Variants in ALS2CL observed in about 807,000 individuals in gnomAD.
ALS2CL encodes ALS2 C-terminal like.
ALS2CL carries 112 observed loss-of-function variants against 127.9 expected under a neutral mutation model. That is an observed-to-expected ratio of 0.88 (90% CI 0.75 to 1.02). ALS2CL has a LOEUF of 1.02. Among genes scored for constraint, ALS2CL ranks in the 50% least tolerant of loss-of-function variants. ALS2CL has a pLI of 0.00. For synonymous variants in ALS2CL, 519 were observed against 527.6 expected (o/e 0.98, Z 0.22); for missense variants, 1,174 against 1,236.7 (o/e 0.95, Z 0.76).
Position 46,681,112 on chromosome 3 carries a change from G to A in ALS2CL, c.1436+134C>T, listed in dbSNP as rs764361113. 2.9e-6 allele frequency: 4 copies of A among 1,400,080 alleles called. No homozygotes were observed. The highest frequency in any genetic ancestry group is 4.0e-6 in the Non-Finnish European group (4 of 995,672). 86.7% of individuals were successfully genotyped at this position (1,400,080 alleles called of 1,614,324 possible). ...AGCCTGAGCCTCCGCAGCAACCGAG[G>A]GACTGGAGGGGAAGTGAGGGGCTTA... On this transcript the variant is annotated intron_variant, in intron 13 of 25. Transcript: ENST00000318962. This position sits in a 1 kb window ranked among gnomAD's most constrained non-coding sequence, Gnocchi z 4.9.
At chr3:46,673,488 C>T in intron 21 of ALS2CL, 107 bp from the exon 22 acceptor site, 1 of 1,188,862 alleles carries the variant, frequency 8.4e-7, no homozygotes, top group Non-Finnish European at 1.2e-6. Flanking sequence ...GATCTGGGTC[C>T]TGAAAAGGGG....
At chr3:46,676,460 T>C in intron 18 of ALS2CL, 58 bp from the exon 19 acceptor site, 1 of 1,605,080 alleles carries the variant, frequency 6.2e-7, no homozygotes, top group South Asian at 1.1e-5. Flanking sequence ...GAGCACAGCA[T>C]GCCCACACCA....
intron 19 of ALS2CL, chr3:46,675,994 T>C (rs745584681): frequency 2.1e-6 from 3 of 1,420,422 alleles, no homozygotes; most frequent in Non-Finnish European, 2.7e-6. Flanking sequence ...GGGGTGAGAG[T>C]GCACCTGCGG....
rs756829765 is a variant in ALS2CL, at chr3:46,676,720, A to G, written c.1950T>C (p.Ser650=). Residue 650 remains serine, a synonymous_variant, in exon 18 of 26, where the codon AGT becomes AGC. Coordinates refer to ENST00000318962, the MANE Select transcript of ALS2CL (RefSeq NM_147129.5). ...LSCERTHPED[S]VGSMEDILEE... ...CCAGGATGTCTTCCATACTGCCCAC[A>G]CTGTCCTCAGGGTGGGTCCTGGGCA... The G allele has an allele frequency of 5.0e-6, 8 of 1,613,372 alleles. No homozygotes were observed. The East Asian group carries it at 1.8e-4, about 36-fold the overall frequency.
intron 1 of ALS2CL, among the ~76,000 whole-genome samples, chr3:46,692,443 T>TTA (rs2106758103): frequency 6.6e-6 from 1 of 152,004 alleles, no homozygotes; most frequent in East Asian, 1.9e-4. Flanking sequence ...CAAAGGTTCC[T>TTA]TAGTGACAGG....
At chr3:46,676,477 C>A (rs1698831935) in intron 18 of ALS2CL, 75 bp from the exon 19 acceptor site, 2 of 1,591,162 alleles carry the variant, frequency 1.3e-6, no homozygotes, top group African/African-American at 2.7e-5. Context: ...ACCAGCCTCC[C>A]AACACTTCTC....
At chr3:46,683,431 C>A in intron 9 of ALS2CL, 105 bp from the exon 10 acceptor site, 1 of 1,158,834 alleles carries the variant, frequency 8.6e-7, no homozygotes, top group Non-Finnish European at 1.2e-6. Context: ...CACCCTCCAC[C>A]TCCTACTCCA....
In ALS2CL at chr3:46,689,353, G is replaced by T. The variant is rs1239835153; in HGVS notation, c.88C>A (p.Pro30Thr). 1.2e-6 allele frequency: 2 copies of T among 1,612,940 alleles called. No homozygotes were observed. The change falls in exon 2 of 26, where the codon CCC (proline) becomes ACC (threonine). Residue 30 changes from proline (P) to threonine (T), a missense_variant. By Grantham distance (38) the Pro-to-Thr change is conservative. Transcript: ENST00000318962. The part of the protein sequence containing the change: ...LAHVNSLVLQ[P>T]LLPAAPDPSD... The stretch of plus-strand genomic sequence containing the variant: ...CTAGACTCACCGGCTGGGAGCAGGG[G>T]CTGGAGGACAAGGCTGTTGACATGG...
At chr3:46,677,240 G>A (rs1698929639) in intron 16 of ALS2CL, 2 of 1,396,144 alleles carry the variant, frequency 1.4e-6, no homozygotes, top group African/African-American at 1.4e-5. Flanking sequence ...CCTGCGACGA[G>A]AAGACAGACA....
At chr3:46,678,212 A>C in intron 16 of ALS2CL, 47 bp downstream of exon 16, 1 of 1,500,194 alleles carries the variant, frequency 6.7e-7, no homozygotes. Flanking sequence ...ATGGAAACAC[A>C]GACACATCCC....
intron 1 of ALS2CL, among the ~76,000 whole-genome samples, chr3:46,693,206 C>G (rs1267723071): frequency 4.6e-5 from 7 of 152,268 alleles, no homozygotes; most frequent in African/African-American, 1.7e-4. Flanking sequence ...CTCTCCCTGC[C>G]CAGGCACACA....
intron 19 of ALS2CL, 167 bp downstream of exon 19, chr3:46,676,077 TC>T: frequency 7.4e-7 from 1 of 1,359,792 alleles, no homozygotes; most frequent in Non-Finnish European, 9.7e-7. Context: ...TGCTCTCACC[TC>T]CCCACCCTCT....
rs1455667885 is a variant in ALS2CL at position 46,674,710 on chromosome 3, G to C, written c.2285C>G (p.Pro762Arg). ...RDLQVHGLVL[P>R]LMLPSFYSEL... ...TGAGTAGAAGCTGGGCAGCATGAGG[G>C]GCAGCACCAATCCATGCACCTGGAG... The change falls in exon 21 of 26, where the codon CCC becomes CGC. Residue 762 changes from proline to arginine, a missense_variant. Pro to Arg is a moderately radical substitution (Grantham distance 103). Transcript: ENST00000318962. 1 of 1,613,480 alleles carries C rather than the reference G, an allele frequency of 6.2e-7. No homozygotes were observed. Among genetic ancestry groups the C allele is most frequent in the East Asian group, 2.2e-5 (1 of 44,852 alleles).
At chr3:46,678,187 A>T in intron 16 of ALS2CL, 72 bp downstream of exon 16, 1 of 1,450,008 alleles carries the variant, frequency 6.9e-7, no homozygotes, top group Non-Finnish European at 9.2e-7. Context: ...CTCTGAGGAG[A>T]CCTGAGTCTT....
rs550076432 is a variant in ALS2CL at position 46,676,518 on chromosome 3, C to T, written c.2029-116G>A. 2.6e-5 allele frequency: 41 copies of T among 1,548,532 alleles called. No homozygotes were observed. In the South Asian group the frequency reaches 4.5e-4, roughly 17 times the overall value. ...TCATACACGAGAACACTGAGGTCCT[C>T]TGAGGACAAGGGATCCACAGGCCTG... On this transcript the variant is annotated intron_variant, in intron 18 of 25. Transcript: ENST00000318962.
chr3:46,677,064 T>C (rs1698908543), intron 16 of ALS2CL, 42 bp from the exon 17 acceptor site: 1 of 1,561,538 alleles, frequency 6.4e-7, no homozygotes, highest in Non-Finnish European at 8.6e-7. Context: ...CAGAGAGAGA[T>C]GGAGCTGAGG....
chr3:46,683,688 C>T (rs1699542653), intron 9 of ALS2CL, 94 bp downstream of exon 9: 1 of 1,489,354 alleles, frequency 6.7e-7, no homozygotes, highest in Non-Finnish European at 9.4e-7. Context: ...CTCGCCGGCA[C>T]TCCTGTGGGG....
At chr3:46,671,113 A>G (rs775675461) in intron 25 of ALS2CL, 49 bp from the exon 26 acceptor site, 2 of 1,557,106 alleles carry the variant, frequency 1.3e-6, no homozygotes, top group Non-Finnish European at 1.8e-6. Context: ...CCTGATCCCA[A>G]CCACATGCAC....
chr3:46,688,111 G>A lies in ALS2CL; in HGVS notation c.289C>T (p.Gln97Ter). Residue 97 changes from glutamine (Q) to a stop codon, truncating the protein, a stop_gained, in exon 3 of 26, where the codon CAG becomes TAG. Coordinates refer to ENST00000318962, the MANE Select transcript of ALS2CL (RefSeq NM_147129.5). LOFTEE classifies it high-confidence loss of function. ...CAGTGGTCTTACTCTATGTGGGCCT[G>A]CAGTACACGGTCAGCACCTCGCAGC... ...LLLRGADRVL[Q>*]AHIEYIESYT... The A allele has an allele frequency of 2.5e-6, 4 of 1,613,224 alleles. No homozygotes were observed. Among genetic ancestry groups the A allele is most frequent in the South Asian group, 1.1e-5 (1 of 91,080 alleles).
Sources: allele counts gnomAD v4.1 joint callset (sites outside exome capture counted in the v4.1 genomes callset), GRCh38; gene constraint gnomAD v4.1.1; non-coding constraint Gnocchi (gnomAD v3.1); transcripts MANE v1.5; gene names NCBI Gene and HGNC (gene_info 2026-07-23, HGNC 2026-07-21).